The following ARAP2 variants were observed in gnomAD, a reference collection of about 807,000 sequenced individuals.
ARAP2 encodes the protein ArfGAP with RhoGAP domain, ankyrin repeat and PH domain 2, also known as arf-GAP with Rho-GAP domain, ANK repeat and PH domain-containing protein 2.
ARAP2 carries 148 observed loss-of-function variants against 194.5 expected under a neutral mutation model. The ratio of observed to expected loss-of-function variants is 0.76; its 90% CI spans 0.67 to 0.87. The LOEUF is 0.87. Ranked by LOEUF, ARAP2 falls within the 40% of genes least tolerant of loss-of-function variation. The pLI is 0.00. For missense variants in ARAP2, 2,128 were observed against 1,989.7 expected (o/e 1.07, Z -1.32); for synonymous variants, 695 against 683.5 (o/e 1.02, Z -0.26).
chr4:36,203,399 C>CA (rs1744856528), intron 6 of ARAP2, among the ~76,000 whole-genome samples: 1 of 151,974 alleles, frequency 6.6e-6, no homozygotes, highest in Admixed American at 6.6e-5. Flanking sequence ...GCCTGAGCAA[C>CA]ATGGAGAAAC....
At chr4:36,055,604 C>T (rs1301452722) in intron 2 of ARAP2, among the ~76,000 whole-genome samples, 3 of 152,112 alleles carry the variant, frequency 2.0e-5, no homozygotes, top group African/African-American at 7.2e-5. Context: ...CACTCTGTCG[C>T]CCAGGCTGGA....
chr4:36,064,005 G>T (rs553584190), downstream of ARAP2, among the ~76,000 whole-genome samples: 1 of 151,990 alleles, frequency 6.6e-6, no homozygotes, highest in Non-Finnish European at 1.5e-5. Context: ...ATATAGTTAC[G>T]TTCATAAGTC....
chr4:36,094,153 A>G (rs543601001), intron 27 of ARAP2, among the ~76,000 whole-genome samples: 6 of 152,274 alleles, frequency 3.9e-5, no homozygotes, highest in East Asian at 1.9e-4. Context: ...GCTTATTTTT[A>G]TATGGCCCAT....
In ARAP2 at chr4:36,104,945, T is replaced by C. The variant is rs73806455; in HGVS notation, c.4285+2620A>G. On this transcript the variant is annotated intron_variant, in intron 27 of 32. Coordinates refer to ENST00000303965, the MANE Select transcript of ARAP2 (RefSeq NM_015230.4). ...AATAACAAGATGCATATTTGTTGGATTAAATGAGGTAGTAGGGATAGTTCA... is the reference window on the plus strand; with the variant it reads ...AATAACAAGATGCATATTTGTTGGACTAAATGAGGTAGTAGGGATAGTTCA... Among the ~76,000 whole-genome samples the C allele has an allele frequency of 5.6e-3, 858 of 152,056 alleles. 9 individuals are homozygous for C. The highest frequency in any genetic ancestry group is 0.02 in the African/African-American group (810 of 41,526).
At chr4:36,079,527 A>G (rs978374482) in intron 31 of ARAP2, among the ~76,000 whole-genome samples, 2 of 152,148 alleles carry the variant, frequency 1.3e-5, no homozygotes, top group Non-Finnish European at 1.5e-5. Context: ...GAATTTAGCT[A>G]GACAAGGTTG....
At chr4:36,063,095 C>T (rs980659856), downstream of ARAP2, among the ~76,000 whole-genome samples, 96 of 152,282 alleles carry the variant, frequency 6.3e-4, no homozygotes, top group African/African-American at 2.2e-3. Context: ...TTCCTGCTCA[C>T]AGGCTAATTT....
chr4:36,136,086 G>A (rs1726642815), intron 19 of ARAP2, among the ~76,000 whole-genome samples: 1 of 151,796 alleles, frequency 6.6e-6, no homozygotes, highest in African/African-American at 2.4e-5. Flanking sequence ...TAGATGGTTT[G>A]ACATTTAATA....
rs571126681 is a variant in ARAP2 at position 36,161,299 on chromosome 4, G to C, written c.2259+166C>G. Among the ~76,000 whole-genome samples the C allele has an allele frequency of 5.9e-5, 9 of 152,052 alleles. No individual in the cohort carries two copies. The East Asian group carries it at 1.7e-3, about 29-fold the overall frequency. On this transcript the variant is annotated intron_variant, in intron 12 of 32. Coordinates refer to ENST00000303965, the MANE Select transcript of ARAP2 (RefSeq NM_015230.4). The stretch of plus-strand genomic sequence containing the variant: ...ATCTCATTTAGGAAGCATTCTCAAA[G>C]AGTTACTACTATCAAAAAGGCTATA...
chr4:36,119,638 A>AT lies in ARAP2; in HGVS notation c.3963+11dup. On this transcript the variant is annotated intron_variant, in intron 24 of 32. Coordinates refer to ENST00000303965, the MANE Select transcript of ARAP2 (RefSeq NM_015230.4). ...TGTTTAATTATTTAGAGATCTAACT[A>AT]TTACTACTCACTTGGGTGTCTTTCC... 1 of 1,566,780 alleles carries AT rather than the reference A, an allele frequency of 6.4e-7. No homozygotes were observed. Among genetic ancestry groups the AT allele is most frequent in the Non-Finnish European group, 8.8e-7 (1 of 1,139,918 alleles).
intron 27 of ARAP2, among the ~76,000 whole-genome samples, chr4:36,098,731 C>A (rs771006561): frequency 6.6e-6 from 1 of 151,966 alleles, no homozygotes; most frequent in African/African-American, 2.4e-5. Context: ...TGATTCTGTA[C>A]AAATTTGATT....
intron 27 of ARAP2, among the ~76,000 whole-genome samples, chr4:36,100,791 T>C (rs961983020): frequency 6.6e-6 from 1 of 151,978 alleles, no homozygotes; most frequent in Non-Finnish European, 1.5e-5. Context: ...GAAGATTTAT[T>C]TTTAGAACAC....
At chr4:36,237,589 A>T (rs1245929549) in intron 1 of ARAP2, among the ~76,000 whole-genome samples, 1 of 152,178 alleles carries the variant, frequency 6.6e-6, no homozygotes, top group East Asian at 1.9e-4. Flanking sequence ...CCTTCCTGGC[A>T]TCTGATATGC....
chr4:36,053,554 A>G (rs765242993), intron 2 of ARAP2, among the ~76,000 whole-genome samples: 7 of 152,220 alleles, frequency 4.6e-5, no homozygotes, highest in African/African-American at 1.2e-4. Flanking sequence ...GTGATGAGCT[A>G]CTAAGTATAA....
chr4:36,184,219 A>G (rs988610757), intron 8 of ARAP2, among the ~76,000 whole-genome samples: 3 of 152,094 alleles, frequency 2.0e-5, no homozygotes, highest in Admixed American at 2.0e-4. Context: ...AGTACACTTA[A>G]TAAAACATAT....
intron 6 of ARAP2, among the ~76,000 whole-genome samples, chr4:36,201,240 C>T (rs1485278313): frequency 1.3e-5 from 2 of 152,102 alleles, no homozygotes; most frequent in African/African-American, 4.8e-5. Context: ...ATAATATGTC[C>T]AAGTCATACA....
In ARAP2 at chr4:36,092,009, G is replaced by C. The variant is rs753754399; in HGVS notation, c.4297C>G (p.Leu1433Val). 6.3e-6 allele frequency: 10 copies of C among 1,593,894 alleles called. No homozygotes were observed. Among genetic ancestry groups the C allele is most frequent in the Non-Finnish European group, 8.6e-6 (10 of 1,165,424 alleles). ...TIKHCSDRST[L>V]GSIKEGILKI... ...AAGATTCCTTCTTTGATGCTTCCCA[G>C]TGTACTCCGGTCTGTAAAGTACAGC... The change falls in exon 28 of 33, where the codon CTG becomes GTG. Residue 1433 changes from leucine (L) to valine (V), a missense_variant. Coordinates refer to ENST00000303965, the MANE Select transcript of ARAP2 (RefSeq NM_015230.4).
intron 29 of ARAP2, 123 bp from the exon 30 acceptor site, chr4:36,082,409 G>C (rs1326542191): frequency 2.1e-6 from 2 of 973,658 alleles, no homozygotes; most frequent in Non-Finnish European, 3.0e-6. Flanking sequence ...TTCCACAAGT[G>C]GTGATTCAAT....
intron 31 of ARAP2, among the ~76,000 whole-genome samples, chr4:36,079,846 A>C (rs916764677): frequency 2.0e-5 from 3 of 152,144 alleles, no homozygotes; most frequent in Non-Finnish European, 4.4e-5. Flanking sequence ...AGAGAGTGGG[A>C]GAACAAGAAG....
intron 5 of ARAP2, among the ~76,000 whole-genome samples, chr4:36,033,222 T>C (rs1287967493): frequency 6.6e-6 from 1 of 152,214 alleles, no homozygotes; most frequent in East Asian, 1.9e-4. Flanking sequence ...ATGGTAATTT[T>C]GTTTTTAGCT....
Sources: gnomAD v4.1 joint callset for allele counts (sites outside exome capture counted in the v4.1 genomes callset) on GRCh38, gnomAD v4.1.1 for gene constraint, MANE v1.5 for transcripts, NCBI Gene and HGNC (gene_info 2026-07-23, HGNC 2026-07-21) for gene names.